SMG1: variants seen among roughly 807,000 people sequenced by gnomAD.
SMG1 encodes SMG1 nonsense mediated mRNA decay associated PI3K related kinase.
Under a neutral mutation model 419.9 loss-of-function variants are expected in SMG1, and 22 were observed. The observed-to-expected ratio is 0.05, with a 90% confidence interval of 0.04 to 0.07. SMG1 has a LOEUF of 0.07. SMG1 is among the 10% of genes least tolerant of loss of function. The probability of loss-of-function intolerance (pLI) is 1.00; values close to 1 mark genes in which losing one functional copy is unlikely to be tolerated. For synonymous variants in SMG1, 1,538 were observed against 1,553.5 expected (o/e 0.99, Z 0.23); for missense variants, 3,185 against 4,342.0 (o/e 0.73, Z 7.49).
chr16:18,817,130 C>T (rs1178135067), intron 57 of SMG1, among the ~76,000 whole-genome samples, 161 bp downstream of exon 57: 2 of 96,928 alleles, frequency 2.1e-5, no homozygotes, highest in African/African-American at 4.2e-5. Context: ...GGGGGGGGGG[C>T]GCTAAGAAAA....
intron 22 of SMG1, among the ~76,000 whole-genome samples, chr16:18,867,078 TA>T (rs1322022856): frequency 6.6e-6 from 1 of 152,188 alleles, no homozygotes; most frequent in East Asian, 1.9e-4. Flanking sequence ...AAAAATTAAA[TA>T]TAAATAAACA....
At chr16:18,899,858 C>T (rs2037277967) in intron 1 of SMG1, 1 of 643,978 alleles carries the variant, frequency 1.6e-6, no homozygotes, top group Non-Finnish European at 2.8e-6. Context: ...ACCTCTACAG[C>T]CCCTTTAATA....
At chr16:18,849,914 A>T in intron 35 of SMG1, 35 bp downstream of exon 35, 1 of 1,589,350 alleles carries the variant, frequency 6.3e-7, no homozygotes, top group Non-Finnish European at 8.6e-7. Flanking sequence ...CTAGTGAGAA[A>T]CTATTTTTCC....
intron 39 of SMG1, among the ~76,000 whole-genome samples, chr16:18,844,284 C>A (rs1309287243): frequency 6.6e-6 from 1 of 151,810 alleles, no homozygotes; most frequent in Non-Finnish European, 1.5e-5. Flanking sequence ...CAAAAATTAG[C>A]CAAGCATGGT....
intron 1 of SMG1, among the ~76,000 whole-genome samples, chr16:18,908,652 G>T (rs1281463747): frequency 6.6e-6 from 1 of 151,984 alleles, no homozygotes; most frequent in Non-Finnish European, 1.5e-5. Context: ...GGCCAAGGCG[G>T]GAGGATCTCA....
rs772535422 is a variant in SMG1, at chr16:18,836,546, C to G, written c.7605-14G>C. 1.2e-6 allele frequency: 2 copies of G among 1,610,862 alleles called. No homozygotes were observed. The highest frequency in any genetic ancestry group is 1.7e-6 in the Non-Finnish European group (2 of 1,178,732). Reference sequence around the variant, plus strand: ...TGCTCAGAATACCTAATCAGGGGGACACAAACAAAATCAAAAGATTTATTG... The same window carrying G: ...TGCTCAGAATACCTAATCAGGGGGAGACAAACAAAATCAAAAGATTTATTG... On this transcript the variant is annotated splice_polypyrimidine_tract_variant and intron_variant, in intron 46 of 62. Coordinates refer to ENST00000446231, the MANE Select transcript of SMG1 (RefSeq NM_015092.5).
At chr16:18,880,448 C>G (rs2036331075) in intron 10 of SMG1, among the ~76,000 whole-genome samples, 1 of 152,158 alleles carries the variant, frequency 6.6e-6, no homozygotes, top group Admixed American at 6.5e-5. Context: ...CACAGTGACT[C>G]ATATCTATCA....
Position 18,849,334 on chromosome 16 carries a change from A to G in SMG1, c.5506T>C (p.Tyr1836His). 7 of 1,613,878 alleles carry G rather than the reference A, an allele frequency of 4.3e-6. No individual in the cohort carries two copies. Among genetic ancestry groups the G allele is most frequent in the Non-Finnish European group, 5.9e-6 (7 of 1,179,832 alleles). ...AGGTTACAAATACTTTGGCGCACAT[A>G]CACTTCAGGGTGGTTTAAGCGTGAG... ...LFSRLNHPEVYVRQSICNLLC... is the reference protein window; with the variant it reads ...LFSRLNHPEVHVRQSICNLLC... The change falls in exon 36 of 63, where the codon TAT becomes CAT. Residue 1836 changes from tyrosine (Y) to histidine (H), a missense_variant. Physicochemically the swap from Tyr to His is moderately conservative, Grantham distance 83. This residue lies in a region of SMG1 where 11 missense variants were observed against 35.5 expected (regional missense o/e 0.31). Transcript: ENST00000446231.
At chr16:18,874,903 CTT>C (rs373817069) in intron 13 of SMG1, among the ~76,000 whole-genome samples, 6,539 of 94,430 alleles carry the variant, frequency 0.069, 242 homozygotes, top group African/African-American at 0.08. Context: ...AAAAAAAAGC[CTT>C]TTTTTTTTTT....
Position 18,850,135 on chromosome 16 carries a change from G to A in SMG1, c.5284-9C>T. ...TCCTCATCTAAAGGAATCTAAGAGT[G>A]AAAGATGAGGGGAATAAATAAGAAA... On this transcript the variant is annotated splice_polypyrimidine_tract_variant and intron_variant, in intron 34 of 62. Coordinates refer to ENST00000446231, the MANE Select transcript of SMG1 (RefSeq NM_015092.5). 1 of 1,608,232 alleles carries A rather than the reference G, an allele frequency of 6.2e-7. No homozygotes were observed. Among genetic ancestry groups the A allele is most frequent in the Non-Finnish European group, 8.5e-7 (1 of 1,176,932 alleles).
At chr16:18,854,435 A>T (rs1480304452) in intron 30 of SMG1, among the ~76,000 whole-genome samples, 1 of 152,210 alleles carries the variant, frequency 6.6e-6, no homozygotes, top group African/African-American at 2.4e-5. Flanking sequence ...GATCTCCGGA[A>T]ATACTTCTTA....
intron 28 of SMG1, chr16:18,858,526 C>T (rs911250770): frequency 1.2e-4 from 34 of 292,852 alleles, no homozygotes; most frequent in Non-Finnish European, 1.9e-4. Flanking sequence ...AATATTAAGT[C>T]TAATTTATCA....
At chr16:18,849,817 G>A (rs1467665830) in intron 35 of SMG1, 132 bp downstream of exon 35, 13 of 823,548 alleles carry the variant, frequency 1.6e-5, no homozygotes, top group Non-Finnish European at 2.3e-5. Context: ...AAGCAGTGCA[G>A]GGTGTCCTAG....
Position 18,850,004 on chromosome 16 carries a change from C to T in SMG1, c.5406G>A (p.Glu1802=), listed in dbSNP as rs774010589. The T allele has an allele frequency of 8.1e-6, 13 of 1,613,880 alleles. No homozygotes were observed. The highest frequency in any genetic ancestry group is 6.8e-6 in the Non-Finnish European group (8 of 1,179,900). The change falls in exon 35 of 63, where the codon GAG becomes GAA. Residue 1802 remains glutamate (E), a synonymous_variant. Transcript: ENST00000446231. The part of the protein sequence containing the change: ...LLRLLVKHAG[E]LRQYLEHGLE... Reference sequence around the variant, plus strand: ...AGCCGTGCTCCAGATACTGCCGAAGCTCACCAGCATGCTTCACGAGCAACC... The same window carrying T: ...AGCCGTGCTCCAGATACTGCCGAAGTTCACCAGCATGCTTCACGAGCAACC...
At chr16:18,884,830 T>C (rs2036550256) in intron 8 of SMG1, 4 of 430,724 alleles carry the variant, frequency 9.3e-6, no homozygotes, top group Admixed American at 4.1e-5. Flanking sequence ...CACTACAATA[T>C]ATTCTTACCA....
At chr16:18,847,738 A>T in intron 37 of SMG1, 78 bp downstream of exon 37, 1 of 1,567,194 alleles carries the variant, frequency 6.4e-7, no homozygotes, top group Non-Finnish European at 8.7e-7. Context: ...CTGACCAGTG[A>T]TTGTCAATAC....
chr16:18,844,234 G>C (rs1418815495), intron 39 of SMG1, among the ~76,000 whole-genome samples: 1 of 151,986 alleles, frequency 6.6e-6, no homozygotes, highest in African/African-American at 2.4e-5. Flanking sequence ...TTCGAGACCA[G>C]CCTGGCCAAC....
intron 1 of SMG1, among the ~76,000 whole-genome samples, chr16:18,919,871 G>A (rs2038128053): frequency 6.6e-6 from 1 of 152,022 alleles, no homozygotes; most frequent in African/African-American, 2.4e-5. Flanking sequence ...AGAAGCCGAG[G>A]TGGGAACCTG....
At chr16:18,891,441 T>C (rs1426485571) in intron 4 of SMG1, among the ~76,000 whole-genome samples, 1 of 151,944 alleles carries the variant, frequency 6.6e-6, no homozygotes, top group African/African-American at 2.4e-5. Context: ...CAAGTTCTTT[T>C]TTTTTTTTTT....
Sources: gnomAD v4.1 joint callset for allele counts (sites outside exome capture counted in the v4.1 genomes callset) on GRCh38, gnomAD v4.1.1 for gene constraint, gnomAD v4.1.1 regional missense constraint, MANE v1.5 for transcripts, NCBI Gene and HGNC (gene_info 2026-07-23, HGNC 2026-07-21) for gene names.